Variants in BCAS3 observed in about 807,000 individuals in gnomAD.
BCAS3 encodes BCAS4/BCAS3 fusion.
Under a neutral mutation model 116.1 loss-of-function variants are expected in BCAS3, and 53 were observed. That is an observed-to-expected ratio of 0.46 (90% CI 0.37 to 0.57). The LOEUF is 0.57. Ranked by LOEUF, BCAS3 falls within the 20% of genes least tolerant of loss-of-function variation. BCAS3 has a pLI of 0.00. For synonymous variants in BCAS3, 391 were observed against 408.2 expected, an observed-to-expected ratio of 0.96 and a Z score of 0.51; for missense variants, 917 against 1,165.4, an observed-to-expected ratio of 0.79 and a Z score of 3.10.
intron 6 of BCAS3, among the ~76,000 whole-genome samples, chr17:60,799,708 C>CTTTTTTTTTTTT (rs67510415): frequency 2.0e-5 from 1 of 49,838 alleles, no homozygotes; most frequent in Non-Finnish European, 3.5e-5. Context: ...TTTTTCTTTT[C>CTTTTTTTTTTTT]TTTTTTTTTT....
At chr17:61,353,761 T>G (rs2057999381) in intron 22 of BCAS3, 1 of 152,352 alleles carries the variant, frequency 6.6e-6, no homozygotes, top group African/African-American at 2.4e-5. Context: ...TTTCCACGCC[T>G]GGGCTGCTGA....
intron 22 of BCAS3, among the ~76,000 whole-genome samples, chr17:61,266,598 T>A (rs375997935): frequency 7.2e-5 from 11 of 152,198 alleles, no homozygotes; most frequent in African/African-American, 2.7e-4. Flanking sequence ...TCCTGCCTAG[T>A]GTCCTCAGGG....
rs902039084 is a variant in BCAS3 at position 61,211,955 on chromosome 17, A to C, written c.2425+127391A>C. Among the ~76,000 whole-genome samples the C allele has an allele frequency of 2.0e-5, 3 of 152,248 alleles. No homozygotes were observed. Among genetic ancestry groups the C allele is most frequent in the African/African-American group, 7.2e-5 (3 of 41,478 alleles). ...TGTGTGGGTGTTTCTACAATGTGGGAAACTTGTTTCATTGAAGAGTCTGAA... is the reference window on the plus strand; with the variant it reads ...TGTGTGGGTGTTTCTACAATGTGGGCAACTTGTTTCATTGAAGAGTCTGAA... On this transcript the variant is annotated intron_variant, in intron 22 of 23. Transcript: ENST00000407086. This position sits in a 1 kb window ranked among gnomAD's most constrained non-coding sequence, Gnocchi z 4.4.
At chr17:61,074,679 G>C (rs2071782839) in intron 19 of BCAS3, among the ~76,000 whole-genome samples, 1 of 152,112 alleles carries the variant, frequency 6.6e-6, no homozygotes, top group Admixed American at 6.6e-5. Flanking sequence ...TATGTAGTTA[G>C]TTGTTTATTT....
rs1412633380 is a variant in BCAS3 at position 61,282,044 on chromosome 17, C to T, written c.2426-86283C>T. Among the ~76,000 whole-genome samples, 1 of 152,154 alleles carries T rather than the reference C, an allele frequency of 6.6e-6. No individual in the cohort carries two copies. Among genetic ancestry groups the T allele is most frequent in the East Asian group, 1.9e-4 (1 of 5,204 alleles). Reference sequence around the variant, plus strand: ...AGACCTCATTGACAACTAACTATAACACATTCAAACTAGTTACTAGGTACC... The same window carrying T: ...AGACCTCATTGACAACTAACTATAATACATTCAAACTAGTTACTAGGTACC... On this transcript the variant is annotated intron_variant, in intron 22 of 23. Coordinates refer to ENST00000407086, the MANE Select transcript of BCAS3 (RefSeq NM_017679.5). This position sits in a 1 kb window ranked among gnomAD's most constrained non-coding sequence, Gnocchi z 5.9.
chr17:61,048,571 C>G (rs1469378631), intron 19 of BCAS3, among the ~76,000 whole-genome samples: 1 of 151,954 alleles, frequency 6.6e-6, no homozygotes, highest in Non-Finnish European at 1.5e-5. Flanking sequence ...TACTGGAACA[C>G]AGCCACACTG....
chr17:60,980,763 T>C (rs2062759589), intron 14 of BCAS3, among the ~76,000 whole-genome samples: 1 of 152,076 alleles, frequency 6.6e-6, no homozygotes, highest in Non-Finnish European at 1.5e-5. Flanking sequence ...CTTGAACTTG[T>C]GGGGTCAAGT....
chr17:61,300,564 A>G lies in BCAS3; in HGVS notation c.2426-67763A>G, dbSNP rs971865705. 2.8e-4 allele frequency among the ~76,000 whole-genome samples: 43 copies of G among 152,140 alleles called. No individual in the cohort carries two copies. Among genetic ancestry groups the G allele is most frequent in the African/African-American group, 9.9e-4 (41 of 41,446 alleles). On this transcript the variant is annotated intron_variant, in intron 22 of 23. Transcript: ENST00000407086. This position sits in a 1 kb window ranked among gnomAD's most constrained non-coding sequence, Gnocchi z 5.1. The stretch of plus-strand genomic sequence containing the variant: ...GCAGTGTTCCTGGCCAAAAAAGAAA[A>G]GAAAAGAAAAGAAAAATGTATGGCA...
intron 22 of BCAS3, among the ~76,000 whole-genome samples, chr17:61,101,446 G>C (rs1490566735): frequency 6.6e-6 from 1 of 152,094 alleles, no homozygotes; most frequent in Non-Finnish European, 1.5e-5. Context: ...AGTGGGGAGT[G>C]GGGGAGTGCA....
intron 12 of BCAS3, among the ~76,000 whole-genome samples, chr17:60,914,790 TTATTA>T (rs1160087137): frequency 2.0e-5 from 3 of 152,230 alleles, no homozygotes; most frequent in Admixed American, 6.5e-5. Flanking sequence ...TTCTCTTACT[TTATTA>T]TAAGAATATA....
intron 6 of BCAS3, among the ~76,000 whole-genome samples, chr17:60,799,057 C>G (rs2047463590): frequency 6.6e-6 from 1 of 152,120 alleles, no homozygotes; most frequent in Non-Finnish European, 1.5e-5. Flanking sequence ...GGCTAACAAT[C>G]CTTTTATCAG....
At position 61,358,500 on chromosome 17, in the gene BCAS3, A is replaced by ATTT. The variant is rs71150608; in HGVS notation, c.2426-9810_2426-9808dup. On this transcript the variant is annotated intron_variant, in intron 22 of 23. Coordinates refer to ENST00000407086, the MANE Select transcript of BCAS3 (RefSeq NM_017679.5). Reference sequence around the variant, plus strand: ...AGGTCAGTAGTTGGGCACGTTTTTAATTTTTTTTTTTTTTTTTTTGAGACA... The same window carrying ATTT: ...AGGTCAGTAGTTGGGCACGTTTTTAATTTTTTTTTTTTTTTTTTTTTTGAGACA... 2.3e-3 allele frequency among the ~76,000 whole-genome samples: 299 copies of ATTT among 130,858 alleles called. 1 individual carries two copies. The highest frequency in any genetic ancestry group is 0.021 in the South Asian group (85 of 4,066). The allele number at this position is 130,858 out of a possible 152,430, so 85.8% of individuals were successfully genotyped here.
At chr17:60,989,826 A>G (rs981276452) in intron 14 of BCAS3, 145 bp from the exon 15 acceptor site, 2 of 825,154 alleles carry the variant, frequency 2.4e-6, no homozygotes, top group Non-Finnish European at 3.8e-6. Flanking sequence ...ATGCATCTGT[A>G]GAGTAAATTT....
rs558828729 is a variant in BCAS3, at chr17:61,124,073, G to GAT, written c.2425+39521_2425+39522dup. Reference sequence around the variant, plus strand: ...ATTTCAAACTTGTATCTAGGAGAGAGATATATATATATACATATATATGTT... The same window carrying GAT: ...ATTTCAAACTTGTATCTAGGAGAGAGATATATATATATATACATATATATGTT... On this transcript the variant is annotated intron_variant, in intron 22 of 23. Coordinates refer to ENST00000407086, the MANE Select transcript of BCAS3 (RefSeq NM_017679.5). This position sits in a 1 kb window ranked among gnomAD's most constrained non-coding sequence, Gnocchi z 4.6. 0.024 allele frequency among the ~76,000 whole-genome samples: 3,653 copies of GAT among 151,336 alleles called. 68 individuals are homozygous for GAT. The highest frequency in any genetic ancestry group is 0.07 in the South Asian group (332 of 4,776).
At chr17:61,114,867 G>GTA (rs2075325404) in intron 22 of BCAS3, among the ~76,000 whole-genome samples, 1 of 151,624 alleles carries the variant, frequency 6.6e-6, no homozygotes, top group African/African-American at 2.4e-5. Flanking sequence ...AACCAAAACA[G>GTA]CATGGTACTG....
intron 14 of BCAS3, among the ~76,000 whole-genome samples, chr17:60,989,692 G>T (rs2063401424): frequency 6.6e-6 from 1 of 152,084 alleles, no homozygotes; most frequent in South Asian, 2.1e-4. Context: ...GTGTTGGGGG[G>T]CAAAGGGCAT....
rs185459838 is a variant in BCAS3, at chr17:61,143,366, C to T, written c.2425+58802C>T. On this transcript the variant is annotated intron_variant, in intron 22 of 23. Transcript: ENST00000407086. The stretch of plus-strand genomic sequence containing the variant: ...ATATACTTTCATATTAAGGCAGGGC[C>T]GGGTCCCTGGGGAAAAAAATAATGA... Among the ~76,000 whole-genome samples the T allele has an allele frequency of 3.9e-4, 60 of 152,146 alleles. 1 individual carries two copies. In the East Asian group the frequency reaches 0.01, roughly 26 times the overall value.
chr17:60,692,788 C>T (rs565444708), intron 4 of BCAS3, among the ~76,000 whole-genome samples: 3 of 26,590 alleles, frequency 1.1e-4, no homozygotes, highest in South Asian at 3.4e-3. Flanking sequence ...CCCAGCTATT[C>T]GGGAGGCTGA....
chr17:61,234,788 A>G lies in BCAS3; in HGVS notation c.2426-133539A>G, dbSNP rs372160324. Among the ~76,000 whole-genome samples, 593 of 148,202 alleles carry G rather than the reference A, an allele frequency of 4.0e-3. 3 individuals carry two copies. Among genetic ancestry groups the G allele is most frequent in the Middle Eastern group, 7.0e-3 (2 of 284 alleles). ...TCTGGCTCAGGCTTTTTCCAGAAAA[A>G]AAAAAAAAAAAAAAAATCATAGTAC... On this transcript the variant is annotated intron_variant, in intron 22 of 23. Transcript: ENST00000407086.
Sources: gnomAD v4.1 joint callset for allele counts (sites outside exome capture counted in the v4.1 genomes callset) on GRCh38, gnomAD v4.1.1 for gene constraint, Gnocchi (gnomAD v3.1) non-coding constraint, MANE v1.5 for transcripts, NCBI Gene and HGNC (gene_info 2026-07-23, HGNC 2026-07-21) for gene names.